The following MRPL13 variants were observed in gnomAD, a reference collection of about 807,000 sequenced individuals.
The protein encoded by MRPL13 is large ribosomal subunit protein uL13m.
In MRPL13, 33 loss-of-function variants were observed where a neutral mutation model predicts 29.0. The observed-to-expected ratio is 1.14, with a 90% CI of 0.86 to 1.52. MRPL13 has a LOEUF of 1.52. MRPL13 is among the 40% of genes most tolerant of loss of function. The probability of loss-of-function intolerance (pLI) is 0.00; values close to 1 mark genes in which losing one functional copy is unlikely to be tolerated. For synonymous variants in MRPL13, 77 were observed against 68.4 expected, an observed-to-expected ratio of 1.13 and a Z score of -0.62; for missense variants, 227 against 216.7, an observed-to-expected ratio of 1.05 and a Z score of -0.30.
intron 3 of MRPL13, among the ~76,000 whole-genome samples, chr8:120,428,427 G>C (rs1227435909): frequency 6.6e-6 from 1 of 152,100 alleles, no homozygotes; most frequent in Admixed American, 6.5e-5. Context: ...TAAGAACACA[G>C]GCATGGGCAA....
chr8:120,397,924 G>C (rs915856365), intron 6 of MRPL13, among the ~76,000 whole-genome samples: 1 of 152,148 alleles, frequency 6.6e-6, no homozygotes, highest in Non-Finnish European at 1.5e-5. Flanking sequence ...GTTGGTGCCA[G>C]TGAGCACCAG....
intron 6 of MRPL13, among the ~76,000 whole-genome samples, chr8:120,413,157 G>C (rs565717601): frequency 3.3e-5 from 5 of 152,102 alleles, no homozygotes; most frequent in Non-Finnish European, 7.4e-5. Context: ...ATTTTCTAGA[G>C]ATTCTTTCCT....
chr8:120,419,520 T>G (rs1812843282), intron 5 of MRPL13: 1 of 161,378 alleles, frequency 6.2e-6, no homozygotes, highest in Non-Finnish European at 1.3e-5. Flanking sequence ...TGAACTAAAT[T>G]AACACTTTTT....
At chr8:120,444,707 G>A (rs1813180060) in intron 1 of MRPL13, among the ~76,000 whole-genome samples, 1 of 152,006 alleles carries the variant, frequency 6.6e-6, no homozygotes, top group Non-Finnish European at 1.5e-5. Context: ...CTGTTACTCC[G>A]TGGATCAAAA....
At chr8:120,397,798 A>G (rs1181314428) in intron 6 of MRPL13, among the ~76,000 whole-genome samples, 1 of 152,028 alleles carries the variant, frequency 6.6e-6, no homozygotes, top group African/African-American at 2.4e-5. Context: ...TGCCAGCTCC[A>G]GGGAGTCCAG....
chr8:120,421,730 T>C (rs185687993), intron 4 of MRPL13, among the ~76,000 whole-genome samples: 7 of 152,026 alleles, frequency 4.6e-5, no homozygotes, highest in African/African-American at 1.4e-4. Context: ...ATTTCAATTA[T>C]TGCTCATAAA....
At chr8:120,411,227 A>G (rs1029574386) in intron 6 of MRPL13, among the ~76,000 whole-genome samples, 2 of 151,826 alleles carry the variant, frequency 1.3e-5, no homozygotes, top group Non-Finnish European at 2.9e-5. Context: ...ACACCTGGCT[A>G]ATTTTTTTGT....
At chr8:120,435,398 T>C (rs907160523) in intron 2 of MRPL13, among the ~76,000 whole-genome samples, 6 of 152,048 alleles carry the variant, frequency 3.9e-5, no homozygotes, top group Non-Finnish European at 5.9e-5. Flanking sequence ...TTGTCTGTTG[T>C]TCCCTTCATG....
At chr8:120,442,580 T>A (rs1813136346) in intron 2 of MRPL13, among the ~76,000 whole-genome samples, 1 of 152,166 alleles carries the variant, frequency 6.6e-6, no homozygotes, top group South Asian at 2.1e-4. Flanking sequence ...TGTTGACAAG[T>A]CAACCAGTAT....
chr8:120,414,050 A>C lies in MRPL13; in HGVS notation c.456T>G (p.Pro152=). The C allele has an allele frequency of 3.7e-6, 6 of 1,603,232 alleles. No homozygotes were observed. Among genetic ancestry groups the C allele is most frequent in the Non-Finnish European group, 5.1e-6 (6 of 1,175,690 alleles). ...CTTGTGTGTACTCATCTAGACGTTT[A>C]GGTATTTTTCGTGGTTGAGGAAGCT... is the stretch of plus-strand genomic sequence containing the variant. ...VEELPQPRKI[P]KRLDEYTQEE... is the part of the protein sequence containing the mutation. Residue 152 remains proline, a synonymous_variant, in exon 6 of 7, where the codon CCT becomes CCG. Transcript: ENST00000306185.
chr8:120,434,411 T>C (rs1419204916), intron 2 of MRPL13, among the ~76,000 whole-genome samples: 1 of 152,104 alleles, frequency 6.6e-6, no homozygotes, highest in Admixed American at 6.6e-5. Context: ...ACTTTTACTA[T>C]TTAATAATGT....
At chr8:120,424,486 C>G (rs944730357) in intron 4 of MRPL13, among the ~76,000 whole-genome samples, 2 of 152,026 alleles carry the variant, frequency 1.3e-5, no homozygotes, top group African/African-American at 4.8e-5. Context: ...AGAGTAAAGT[C>G]TGAGTGTGGT....
At chr8:120,422,574 A>G (rs139327931) in intron 4 of MRPL13, among the ~76,000 whole-genome samples, 2,094 of 148,308 alleles carry the variant, frequency 0.014, 24 homozygotes, top group South Asian at 0.026. Context: ...ATATATATAT[A>G]AACATATATA....
At chr8:120,416,441 C>T (rs964548068) in intron 5 of MRPL13, among the ~76,000 whole-genome samples, 1 of 152,096 alleles carries the variant, frequency 6.6e-6, no homozygotes, top group African/African-American at 2.4e-5. Context: ...TTGCAGTGAG[C>T]CCAGATTGTG....
At chr8:120,441,110 A>G (rs1489857494) in intron 2 of MRPL13, among the ~76,000 whole-genome samples, 1 of 152,168 alleles carries the variant, frequency 6.6e-6, no homozygotes, top group Non-Finnish European at 1.5e-5. Context: ...AGAGCAACAA[A>G]AAGAACAGTG....
Position 120,432,138 on chromosome 8 carries a change from G to T in MRPL13, c.152-15C>A, listed in dbSNP as rs764034274. On this transcript the variant is annotated splice_polypyrimidine_tract_variant and intron_variant, in intron 2 of 6. Coordinates refer to ENST00000306185, the MANE Select transcript of MRPL13 (RefSeq NM_014078.6). ...CCCACAGTCACCTACATTTTAAAAA[G>T]AAACAAGATTTTGTAAGAAAAATAA... is the stretch of plus-strand genomic sequence containing the variant. 8 of 1,536,120 alleles carry T rather than the reference G, an allele frequency of 5.2e-6. No homozygotes were observed. The highest frequency in any genetic ancestry group is 2.6e-5 in the South Asian group (2 of 77,524).
intron 6 of MRPL13, among the ~76,000 whole-genome samples, chr8:120,401,572 A>G (rs1469513792): frequency 1.3e-5 from 2 of 152,190 alleles, no homozygotes; most frequent in African/African-American, 4.8e-5. Context: ...AGCTGGAAGC[A>G]TTACCCTTGA....
chr8:120,396,853 C>T (rs1812529941), intron 6 of MRPL13, among the ~76,000 whole-genome samples: 1 of 152,188 alleles, frequency 6.6e-6, no homozygotes, highest in Non-Finnish European at 1.5e-5. Flanking sequence ...TGGTAACAAA[C>T]TAAACAGATA....
chr8:120,406,001 G>C (rs538155652), intron 6 of MRPL13, among the ~76,000 whole-genome samples: 2 of 152,196 alleles, frequency 1.3e-5, no homozygotes, highest in African/African-American at 2.4e-5. Context: ...CTTTGTCACT[G>C]TTTCATTGGA....
Sources: allele counts gnomAD v4.1 joint callset (sites outside exome capture counted in the v4.1 genomes callset), GRCh38; gene constraint gnomAD v4.1.1; transcripts MANE v1.5; gene names NCBI Gene and HGNC (gene_info 2026-07-23, HGNC 2026-07-21).